The following KCNG1 variants were observed in gnomAD, a reference collection of about 807,000 sequenced individuals.
KCNG1 encodes voltage-gated potassium channel regulatory subunit KCNG1.
A neutral mutation model predicts 32.4 loss-of-function variants in KCNG1; 17 were observed. The observed-to-expected ratio is 0.52, with a 90% CI of 0.36 to 0.79. KCNG1 has a LOEUF of 0.79. Ranked by LOEUF, KCNG1 falls within the 30% of genes least tolerant of loss-of-function variation. The probability of loss-of-function intolerance (pLI) is 0.00; values close to 1 mark genes in which losing one functional copy is unlikely to be tolerated. For missense variants in KCNG1, 441 were observed against 735.2 expected, an observed-to-expected ratio of 0.60 and a Z score of 4.63; for synonymous variants, 358 against 339.9, an observed-to-expected ratio of 1.05 and a Z score of -0.59.
chr20:51,012,084 C>T (rs556672680), intron 1 of KCNG1, among the ~76,000 whole-genome samples: 6 of 152,338 alleles, frequency 3.9e-5, no homozygotes, highest in Non-Finnish European at 7.3e-5. Flanking sequence ...TGAGCTACCA[C>T]GCCCGGCCTA....
intron 1 of KCNG1, among the ~76,000 whole-genome samples, chr20:51,014,941 A>G (rs1988224954): frequency 6.6e-6 from 1 of 152,160 alleles, no homozygotes; most frequent in South Asian, 2.1e-4. Context: ...TGGATGATCA[A>G]AGACCAGAGA....
intron 1 of KCNG1, among the ~76,000 whole-genome samples, chr20:51,020,191 ATGCACGTT>A (rs1235179238): frequency 1.3e-5 from 2 of 152,010 alleles, no homozygotes; most frequent in Non-Finnish European, 2.9e-5. Context: ...ATAACACCAA[ATGCACGTT>A]TGCGTTTGCC....
In KCNG1 at chr20:51,021,992, T is replaced by C. The variant is rs1053169260; in HGVS notation, c.-27+878A>G. On this transcript the variant is annotated intron_variant, in intron 1 of 2. Transcript: ENST00000371571. ...GAACCAAGACTTCTGCCTATATACA[T>C]GGGCTGCTACAGTTGGCCACCCCGG... is the stretch of plus-strand genomic sequence containing the variant. Among the ~76,000 whole-genome samples the C allele has an allele frequency of 3.9e-4, 59 of 152,132 alleles. 1 individual carries two copies. Among genetic ancestry groups the C allele is most frequent in the Admixed American group, 1.2e-3 (19 of 15,278 alleles).
In KCNG1 at chr20:51,015,408, G is replaced by T. The variant is rs1988244967; in HGVS notation, c.-26-5044C>A. Among the ~76,000 whole-genome samples, 1 of 152,158 alleles carries T rather than the reference G, an allele frequency of 6.6e-6. No homozygotes were observed. Among genetic ancestry groups the T allele is most frequent in the South Asian group, 2.1e-4 (1 of 4,832 alleles). ...AAAATCCAGGAGAGAGGGGGGAGAT[G>T]GGTGTCTCCCAAGGACGGTGCCAGA... On this transcript the variant is annotated intron_variant, in intron 1 of 2. Coordinates refer to ENST00000371571, the MANE Select transcript of KCNG1 (RefSeq NM_002237.4). This position sits in a 1 kb window ranked among gnomAD's most constrained non-coding sequence, Gnocchi z 4.4.
intron 1 of KCNG1, chr20:51,014,124 G>A (rs779814598): frequency 6.6e-6 from 1 of 152,156 alleles, no homozygotes; most frequent in African/African-American, 2.4e-5. Context: ...GTATGGAGAG[G>A]CTGATGCTAC....
chr20:51,010,429 G>T, intron 1 of KCNG1, 65 bp from the exon 2 acceptor site: 1 of 1,121,896 alleles, frequency 8.9e-7, no homozygotes, highest in Non-Finnish European at 1.2e-6. Flanking sequence ...TGAGAATGCA[G>T]ATTCCGCAGA....
At chr20:51,009,097 T>C (rs1045590695) in intron 2 of KCNG1, among the ~76,000 whole-genome samples, 1 of 152,180 alleles carries the variant, frequency 6.6e-6, no homozygotes, top group Non-Finnish European at 1.5e-5. Context: ...TACCTATCAA[T>C]AAAAATTATC....
chr20:51,013,015 A>T (rs1162137933), intron 1 of KCNG1, among the ~76,000 whole-genome samples: 15 of 152,210 alleles, frequency 9.9e-5, no homozygotes, highest in Admixed American at 9.8e-4. Context: ...AAAAATCACC[A>T]GCCCTCGACC....
At chr20:51,009,160 G>A (rs979828414) in intron 2 of KCNG1, among the ~76,000 whole-genome samples, 2 of 152,214 alleles carry the variant, frequency 1.3e-5, no homozygotes, top group Non-Finnish European at 2.9e-5. Context: ...GATTAGGAAC[G>A]TTGAGAAAGG....
At chr20:51,021,050 T>C (rs1489177165) in intron 1 of KCNG1, among the ~76,000 whole-genome samples, 1 of 152,132 alleles carries the variant, frequency 6.6e-6, no homozygotes, top group Non-Finnish European at 1.5e-5. Flanking sequence ...TTGGCAAAAC[T>C]AGGGGTTTGG....
rs1987987231 is a variant in KCNG1, at chr20:51,009,742, C to T, written c.597G>A (p.Pro199=). ...GCCCCAGGCGGCCCTCGCCCTCGGC[C>T]GGGCCCTCGCTGTCGCGGCCCTCGC... ...LDSEGRDSEG[P]AEGEGRLGRC... Residue 199 remains proline, a synonymous_variant, in exon 2 of 3, where the codon CCG becomes CCA. Transcript: ENST00000371571. 1 of 1,608,174 alleles carries T rather than the reference C, an allele frequency of 6.2e-7. No homozygotes were observed. Among genetic ancestry groups the T allele is most frequent in the South Asian group, 1.1e-5 (1 of 90,990 alleles).
Position 51,009,978 on chromosome 20 carries a change from G to A in KCNG1, c.361C>T (p.Pro121Ser). ...TCNEFFFDRN[P>S]GAFGTILTFL... The stretch of plus-strand genomic sequence containing the variant: ...GTCAGGATAGTGCCGAAGGCCCCCG[G>A]GTTGCGGTCGAAGAAGAACTCGTTG... The change falls in exon 2 of 3, where the codon CCG becomes TCG. Residue 121 changes from proline to serine, a missense_variant. Pro to Ser is a moderately conservative substitution (Grantham distance 74). Transcript: ENST00000371571. 6.2e-7 allele frequency: 1 copy of A among 1,614,002 alleles called. No individual in the cohort carries two copies. The highest frequency in any genetic ancestry group is 8.5e-7 in the Non-Finnish European group (1 of 1,179,986).
At chr20:51,013,363 T>C (rs1428599807) in intron 1 of KCNG1, among the ~76,000 whole-genome samples, 1 of 151,980 alleles carries the variant, frequency 6.6e-6, no homozygotes, top group East Asian at 1.9e-4. Context: ...AAATCCCCAA[T>C]GGAATCAAGT....
In KCNG1 at chr20:51,005,032, C is replaced by T. The variant is rs775153411; in HGVS notation, c.775-226G>A. Reference sequence around the variant, plus strand: ...CTCTCTCTCCAGCCCCCACCTCAGCCCTGAACTCCAGACCCCCAACAGGCT... The same window carrying T: ...CTCTCTCTCCAGCCCCCACCTCAGCTCTGAACTCCAGACCCCCAACAGGCT... On this transcript the variant is annotated intron_variant, in intron 2 of 2. Coordinates refer to ENST00000371571, the MANE Select transcript of KCNG1 (RefSeq NM_002237.4). The surrounding 1 kb of genome is among the most constrained non-coding windows in gnomAD (Gnocchi z 4.0). 1 of 437,186 alleles carries T rather than the reference C, an allele frequency of 2.3e-6. No homozygotes were observed. The highest frequency in any genetic ancestry group is 4.0e-6 in the Non-Finnish European group (1 of 250,828). The allele number at this position is 437,186 out of a possible 1,614,324, so 27.1% of individuals were successfully genotyped here.
chr20:51,022,799 A>G (rs2123294551), intron 1 of KCNG1, 71 bp downstream of exon 1: 1 of 152,212 alleles, frequency 6.6e-6, no homozygotes, highest in East Asian at 1.9e-4. Flanking sequence ...CCCGAGCCCG[A>G]GTTTGCAGGC....
At chr20:51,013,398 G>A (rs1988166315) in intron 1 of KCNG1, among the ~76,000 whole-genome samples, 1 of 151,958 alleles carries the variant, frequency 6.6e-6, no homozygotes, top group South Asian at 2.1e-4. Flanking sequence ...AATTCCAAAC[G>A]GAAACCCATT....
At chr20:51,016,666 G>A (rs1406462062) in intron 1 of KCNG1, among the ~76,000 whole-genome samples, 10 of 152,184 alleles carry the variant, frequency 6.6e-5, no homozygotes, top group Admixed American at 2.0e-4. Flanking sequence ...CAGCTCCTGC[G>A]TCCTTGAGTT....
Position 51,010,289 on chromosome 20 carries a change from C to T in KCNG1, c.50G>A (p.Ser17Asn), listed in dbSNP as rs773106992. ...DNSDYDYSALSCTSDASFHPA... is the reference protein window; with the variant it reads ...DNSDYDYSALNCTSDASFHPA... ...GTGGAAGGAGGCGTCCGAGGTGCAG[C>T]TCAGCGCGCTGTAGTCGTAGTCAGA... The change falls in exon 2 of 3, where the codon AGC (serine) becomes AAC (asparagine). Residue 17 changes from serine to asparagine, a missense_variant. Ser to Asn is a conservative substitution (Grantham distance 46). Transcript: ENST00000371571. 5.9e-5 allele frequency: 89 copies of T among 1,518,374 alleles called. No individual in the cohort carries two copies. The highest frequency in any genetic ancestry group is 7.7e-5 in the Non-Finnish European group (88 of 1,143,486). 94.1% of individuals were successfully genotyped at this position (1,518,374 alleles called of 1,614,324 possible).
chr20:51,016,207 C>T (rs1274961364), intron 1 of KCNG1, among the ~76,000 whole-genome samples: 5 of 152,136 alleles, frequency 3.3e-5, no homozygotes, highest in African/African-American at 4.8e-5. Flanking sequence ...GAGGCCAAGG[C>T]GGGTGGATCA....
Sources: allele counts gnomAD v4.1 joint callset (sites outside exome capture counted in the v4.1 genomes callset), GRCh38; gene constraint gnomAD v4.1.1; non-coding constraint Gnocchi (gnomAD v3.1); transcripts MANE v1.5; gene names NCBI Gene and HGNC (gene_info 2026-07-23, HGNC 2026-07-21).